The following IL1R2 variants were observed in gnomAD, a reference collection of about 807,000 sequenced individuals.
IL1R2 encodes the protein interleukin-1 receptor type 2.
Under a neutral mutation model 39.5 loss-of-function variants are expected in IL1R2, and 46 were observed. The ratio of observed to expected loss-of-function variants is 1.16; its 90% CI spans 0.92 to 1.49. The LOEUF (loss-of-function observed/expected upper bound fraction) is 1.49, where lower values mean the gene tolerates loss of function less well. Ranked by LOEUF, IL1R2 falls within the 40% of genes most tolerant of loss-of-function variation. IL1R2 has a pLI of 0.00. For synonymous variants in IL1R2, 207 were observed against 189.6 expected (o/e 1.09, Z -0.75); for missense variants, 537 against 502.0 (o/e 1.07, Z -0.67).
At chr2:101,996,469 C>T (rs185062351) in intron 1 of IL1R2, among the ~76,000 whole-genome samples, 70 of 142,594 alleles carry the variant, frequency 4.9e-4, no homozygotes, top group Middle Eastern at 3.7e-3. Context: ...GATAAAAATC[C>T]CTGGGTGTTT....
intron 1 of IL1R2, among the ~76,000 whole-genome samples, chr2:101,992,371 GCAGAGAGACAGAGA>G (rs1675383770): frequency 7.8e-6 from 1 of 128,096 alleles, no homozygotes; most frequent in Non-Finnish European, 1.7e-5. Context: ...AGAGACAGAG[GCAGAGAGACAGAGA>G]CAGAGAGACA....
intron 3 of IL1R2, 133 bp from the exon 4 acceptor site, chr2:102,015,738 C>T (rs942120196): frequency 8.5e-5 from 60 of 701,768 alleles, no homozygotes; most frequent in Middle Eastern, 4.0e-4. Context: ...CATCTTATGT[C>T]GGGAAACCAT....
chr2:102,028,292 G>A lies in IL1R2; in HGVS notation c.1097G>A (p.Gly366Glu), dbSNP rs772243120. 10 of 1,612,832 alleles carry A rather than the reference G, an allele frequency of 6.2e-6. No homozygotes were observed. The South Asian group carries it at 6.6e-5, about 11-fold the overall frequency. ...PLSLAFLVLG[G>E]IWMHRRCKHR... is the part of the protein sequence containing the mutation. ...TCACTGGCCTTCTTGGTTTTGGGGG[G>A]AATATGGATGCACAGACGGTGCAAA... is the stretch of plus-strand genomic sequence containing the variant. Residue 366 changes from glycine (G) to glutamate (E), a missense_variant, in exon 9 of 9, where the codon GGA becomes GAA. By Grantham distance (98) the Gly-to-Glu change is moderately conservative. Coordinates refer to ENST00000332549, the MANE Select transcript of IL1R2 (RefSeq NM_004633.4).
chr2:101,998,238 T>C (rs545728403), intron 1 of IL1R2, among the ~76,000 whole-genome samples: 2 of 152,314 alleles, frequency 1.3e-5, no homozygotes, highest in African/African-American at 4.8e-5. Flanking sequence ...ATATACTCAG[T>C]AGGGCACAGT....
intron 3 of IL1R2, 31 bp downstream of exon 3, chr2:102,009,857 G>T (rs1395832128): frequency 6.2e-7 from 1 of 1,607,554 alleles, no homozygotes; most frequent in Non-Finnish European, 8.5e-7. Flanking sequence ...CTGGGGAGGG[G>T]ATCCTGGCAG....
intron 7 of IL1R2, 91 bp from the exon 8 acceptor site, chr2:102,026,020 C>G (rs1033404616): frequency 1.4e-5 from 14 of 1,009,826 alleles, no homozygotes; most frequent in Non-Finnish European, 2.1e-5. Flanking sequence ...GCAATGGGTA[C>G]TTCTAAAGGA....
intron 1 of IL1R2, 44 bp from the exon 2 acceptor site, chr2:102,008,471 G>T: frequency 2.3e-6 from 2 of 855,212 alleles, no homozygotes; most frequent in Non-Finnish European, 4.1e-6. Flanking sequence ...GATTCTCTCT[G>T]CAGGGTTCTT....
At position 102,010,978 on chromosome 2, in the gene IL1R2, C is replaced by T. The variant is rs974505822; in HGVS notation, c.332+1152C>T. On this transcript the variant is annotated intron_variant, in intron 3 of 8. Transcript: ENST00000332549. Reference sequence around the variant, plus strand: ...ACGACTCTAGGTACCTCGTTTAAATCGTTTAAGTGAAATCAGTCTTTCTGT... The same window carrying T: ...ACGACTCTAGGTACCTCGTTTAAATTGTTTAAGTGAAATCAGTCTTTCTGT... Among the ~76,000 whole-genome samples the T allele has an allele frequency of 2.6e-5, 4 of 152,252 alleles. No homozygotes were observed. The East Asian group carries it at 5.8e-4, about 22-fold the overall frequency.
intron 7 of IL1R2, 39 bp downstream of exon 7, chr2:102,024,707 T>G: frequency 6.2e-7 from 1 of 1,612,494 alleles, no homozygotes; most frequent in South Asian, 1.1e-5. Context: ...ACTCTGTGGG[T>G]TTCGCTCTTC....
chr2:102,024,426 G>A (rs1677598667), intron 6 of IL1R2, 107 bp from the exon 7 acceptor site: 3 of 750,574 alleles, frequency 4.0e-6, no homozygotes, highest in Admixed American at 4.1e-5. Flanking sequence ...AAAGAATTGG[G>A]TGGTGAGGGG....
At chr2:102,009,166 A>G (rs1182031711) in intron 2 of IL1R2, among the ~76,000 whole-genome samples, 1 of 152,246 alleles carries the variant, frequency 6.6e-6, no homozygotes, top group Non-Finnish European at 1.5e-5. Flanking sequence ...GTTTAACCAT[A>G]CGACGTGCCA....
At chr2:102,003,988 G>GGTCTATGTCTAT (rs58345449) in intron 1 of IL1R2, among the ~76,000 whole-genome samples, 16,128 of 140,370 alleles carry the variant, frequency 0.11, 1,053 homozygotes, top group South Asian at 0.14. Flanking sequence ...TCTCGGTCTG[G>GGTCTATGTCTAT]GTCTATGTCT....
intron 8 of IL1R2, among the ~76,000 whole-genome samples, chr2:102,026,655 C>T (rs1203026676): frequency 6.6e-6 from 1 of 152,060 alleles, no homozygotes; most frequent in Non-Finnish European, 1.5e-5. Flanking sequence ...TGGGAGCTAC[C>T]CAGGGTTCAG....
chr2:102,010,727 T>G (rs970867059), intron 3 of IL1R2, among the ~76,000 whole-genome samples: 1 of 152,214 alleles, frequency 6.6e-6, no homozygotes, highest in African/African-American at 2.4e-5. Context: ...CTCTTTGTCC[T>G]GTTGCTTTCT....
chr2:101,996,912 G>A (rs969012765), intron 1 of IL1R2, among the ~76,000 whole-genome samples: 4 of 152,064 alleles, frequency 2.6e-5, no homozygotes, highest in Admixed American at 1.3e-4. Context: ...ACTAGGGCAG[G>A]GGAATTAAGC....
intron 5 of IL1R2, among the ~76,000 whole-genome samples, chr2:102,021,742 T>G (rs1317361016): frequency 6.6e-6 from 1 of 152,238 alleles, no homozygotes; most frequent in Admixed American, 6.5e-5. Flanking sequence ...CAAATAGGTG[T>G]TTCTTGAGCC....
intron 4 of IL1R2, among the ~76,000 whole-genome samples, chr2:102,017,061 C>T (rs988805076): frequency 6.6e-6 from 1 of 152,042 alleles, no homozygotes; most frequent in Non-Finnish European, 1.5e-5. Context: ...TAGAAAAAAG[C>T]TTACATAACA....
chr2:102,010,876 A>G (rs1379355739), intron 3 of IL1R2, among the ~76,000 whole-genome samples: 3 of 152,192 alleles, frequency 2.0e-5, no homozygotes. Context: ...CTCTGAACCC[A>G]TTAAACAATA....
In IL1R2 at chr2:102,008,593, G is replaced by T. The variant is rs753540190; in HGVS notation, c.18G>T (p.Val6=). 1 of 1,613,998 alleles carries T rather than the reference G, an allele frequency of 6.2e-7. No homozygotes were observed. Among genetic ancestry groups the T allele is most frequent in the East Asian group, 2.2e-5 (1 of 44,888 alleles). The change falls in exon 2 of 9, where the codon GTG becomes GTT. Residue 6 remains valine (V), a synonymous_variant. Transcript: ENST00000332549. The part of the protein sequence containing the change: MLRLY[V]LVMGVSAFTL... ...CAGGAGCAATGTTGCGCTTGTACGT[G>T]TTGGTAATGGGAGTTTCTGCCTTCA...
Sources: allele counts gnomAD v4.1 joint callset (sites outside exome capture counted in the v4.1 genomes callset), GRCh38; gene constraint gnomAD v4.1.1; transcripts MANE v1.5; gene names NCBI Gene and HGNC (gene_info 2026-07-23, HGNC 2026-07-21).